ENOX1: variants seen among roughly 807,000 people sequenced by gnomAD.
The protein encoded by ENOX1 is candidate growth-related and time keeping constitutive hydroquinone (NADH) oxidase.
In ENOX1, 42 loss-of-function variants were observed where a neutral mutation model predicts 82.5. That is an observed-to-expected ratio of 0.51 (90% CI 0.40 to 0.66). ENOX1 has a LOEUF of 0.66. ENOX1 is among the 30% of genes least tolerant of loss of function. The pLI is 0.00. For missense variants in ENOX1, 608 were observed against 811.6 expected (o/e 0.75, Z 3.05); for synonymous variants, 271 against 282.2 (o/e 0.96, Z 0.40).
chr13:43,581,226 G>A (rs866921748), intron 2 of ENOX1, among the ~76,000 whole-genome samples: 1 of 135,426 alleles, frequency 7.4e-6, no homozygotes, highest in Admixed American at 8.2e-5. Flanking sequence ...TCCGCCTCCC[G>A]GGTTCACGCC....
intron 1 of ENOX1, among the ~76,000 whole-genome samples, chr13:43,780,381 A>G (rs1370803287): frequency 6.6e-6 from 1 of 152,182 alleles, no homozygotes; most frequent in Non-Finnish European, 1.5e-5. Flanking sequence ...AAAACTAAGC[A>G]AATACATATT....
intron 1 of ENOX1, among the ~76,000 whole-genome samples, chr13:43,734,437 A>G (rs762395431): frequency 1.3e-5 from 2 of 152,182 alleles, no homozygotes; most frequent in Non-Finnish European, 2.9e-5. Flanking sequence ...TCTTATCTGT[A>G]ACCAAAACAG....
intron 2 of ENOX1, among the ~76,000 whole-genome samples, chr13:43,524,519 C>A (rs759362205): frequency 2.0e-5 from 3 of 152,088 alleles, no homozygotes; most frequent in African/African-American, 7.2e-5. Context: ...CACCATCATG[C>A]CTCCCTGGCT....
intron 3 of ENOX1, among the ~76,000 whole-genome samples, chr13:43,473,622 A>T (rs2058160833): frequency 6.6e-6 from 1 of 152,232 alleles, no homozygotes; most frequent in Non-Finnish European, 1.5e-5. Context: ...TAACTCCAGC[A>T]TACGCACTCA....
intron 3 of ENOX1, among the ~76,000 whole-genome samples, chr13:43,458,231 G>T (rs778125993): frequency 6.6e-6 from 1 of 151,932 alleles, no homozygotes; most frequent in African/African-American, 2.4e-5. Flanking sequence ...TAAATCCCCT[G>T]TCTTCCATTT....
chr13:43,410,184 C>T (rs560444160), intron 5 of ENOX1, among the ~76,000 whole-genome samples: 137 of 152,236 alleles, frequency 9.0e-4, no homozygotes, highest in African/African-American at 3.0e-3. Context: ...CTCTAGAAGT[C>T]GTACTACATT....
At position 43,307,524 on chromosome 13, in the gene ENOX1, C is replaced by G. The variant is rs866894442; in HGVS notation, c.1262-8994G>C. Reference sequence around the variant, plus strand: ...GCTTTCTTCATGACTTTCTTCTAGTCTTAGATTTCTTTCATTAGTTTTTCA... The same window carrying G: ...GCTTTCTTCATGACTTTCTTCTAGTGTTAGATTTCTTTCATTAGTTTTTCA... On this transcript the variant is annotated intron_variant, in intron 11 of 16. Coordinates refer to ENST00000690772, the MANE Select transcript of ENOX1 (RefSeq NM_001347969.2). Among the ~76,000 whole-genome samples the G allele has an allele frequency of 8.5e-5, 13 of 152,294 alleles. No homozygotes were observed. The South Asian group carries it at 2.5e-3, about 29-fold the overall frequency.
At chr13:43,722,458 A>G (rs1490640274) in intron 1 of ENOX1, among the ~76,000 whole-genome samples, 1 of 152,216 alleles carries the variant, frequency 6.6e-6, no homozygotes, top group African/African-American at 2.4e-5. Context: ...AAAATTTCCA[A>G]AGAAGTAAAT....
rs28639659 is a variant in ENOX1 at position 43,479,947 on chromosome 13, T to G, written c.-75+4062A>C. Among the ~76,000 whole-genome samples the G allele has an allele frequency of 3.3e-5, 5 of 151,926 alleles. No homozygotes were observed. In the South Asian group the frequency reaches 1.0e-3, roughly 32 times the overall value. On this transcript the variant is annotated intron_variant, in intron 3 of 16. Transcript: ENST00000690772. ...TATTTATTTTTATTTTTATTTTTTT[T>G]TTTTTGAGACAGAGCTGTTCTCTTG... is the stretch of plus-strand genomic sequence containing the variant.
intron 2 of ENOX1, among the ~76,000 whole-genome samples, chr13:43,647,628 G>T (rs1268125229): frequency 6.6e-6 from 1 of 152,142 alleles, no homozygotes; most frequent in Non-Finnish European, 1.5e-5. Context: ...TGAGGCTTTG[G>T]GCTTGACTAT....
chr13:43,593,934 C>A (rs992494646), intron 2 of ENOX1, among the ~76,000 whole-genome samples: 4 of 152,090 alleles, frequency 2.6e-5, no homozygotes, highest in Non-Finnish European at 5.9e-5. Flanking sequence ...AATCCTCTTG[C>A]CCTCTAGGTC....
chr13:43,556,950 A>G (rs1283827992), intron 2 of ENOX1, among the ~76,000 whole-genome samples: 1 of 152,240 alleles, frequency 6.6e-6, no homozygotes, highest in Admixed American at 6.5e-5. Flanking sequence ...CCTGAGCTAC[A>G]TAGAATTTGA....
intron 1 of ENOX1, among the ~76,000 whole-genome samples, chr13:43,703,907 A>C (rs553734525): frequency 2.8e-4 from 42 of 152,162 alleles, no homozygotes; most frequent in African/African-American, 9.9e-4. Flanking sequence ...AAAATGGTAA[A>C]CTAGAACAGG....
chr13:43,737,375 A>C (rs1258121476), intron 1 of ENOX1, among the ~76,000 whole-genome samples: 6 of 152,180 alleles, frequency 3.9e-5, no homozygotes, highest in Admixed American at 2.6e-4. Flanking sequence ...CCTCAAGCAA[A>C]TGTTGCTCTG....
chr13:43,446,684 C>T lies in ENOX1; in HGVS notation c.-74-33696G>A, dbSNP rs180727191. Among the ~76,000 whole-genome samples the T allele has an allele frequency of 4.5e-3, 687 of 152,328 alleles. 5 individuals are homozygous for T. The highest frequency in any genetic ancestry group is 0.015 in the African/African-American group (641 of 41,574). On this transcript the variant is annotated intron_variant, in intron 3 of 16. Coordinates refer to ENST00000690772, the MANE Select transcript of ENOX1 (RefSeq NM_001347969.2). ...AAGCCCCATCTAACTTCTGCCCAAC[C>T]TTCAGCCTTGGCTTGCCAGTTTAAT...
chr13:43,225,571 T>C (rs754618649), intron 15 of ENOX1, among the ~76,000 whole-genome samples: 8 of 152,242 alleles, frequency 5.3e-5, no homozygotes, highest in Non-Finnish European at 1.0e-4. Context: ...GACCCTCACC[T>C]GTATGAAATG....
intron 1 of ENOX1, among the ~76,000 whole-genome samples, chr13:43,764,378 G>C (rs1199149722): frequency 6.6e-6 from 1 of 152,126 alleles, no homozygotes; most frequent in Non-Finnish European, 1.5e-5. Flanking sequence ...CCTCACAAAG[G>C]CAGCTAAGAA....
At chr13:43,484,577 G>A (rs1179377381) in intron 2 of ENOX1, among the ~76,000 whole-genome samples, 1 of 152,164 alleles carries the variant, frequency 6.6e-6, no homozygotes, top group African/African-American at 2.4e-5. Context: ...AAAATGCACA[G>A]ATTGCTGACC....
intron 9 of ENOX1, among the ~76,000 whole-genome samples, chr13:43,341,209 A>C (rs2049034420): frequency 6.6e-6 from 1 of 151,944 alleles, no homozygotes; most frequent in Non-Finnish European, 1.5e-5. Flanking sequence ...AGGCAGGAGA[A>C]TCATTTGAAC....
Sources: gnomAD v4.1 joint callset for allele counts (sites outside exome capture counted in the v4.1 genomes callset) on GRCh38, gnomAD v4.1.1 for gene constraint, MANE v1.5 for transcripts, NCBI Gene and HGNC (gene_info 2026-07-23, HGNC 2026-07-21) for gene names.